The following PDE1C variants were observed in gnomAD, a reference collection of about 807,000 sequenced individuals.
PDE1C encodes the protein dual specificity calcium/calmodulin-dependent 3',5'-cyclic nucleotide phosphodiesterase 1C.
In PDE1C, 62 loss-of-function variants were observed where a neutral mutation model predicts 93.1. The ratio of observed to expected loss-of-function variants is 0.67; its 90% CI spans 0.54 to 0.82. The LOEUF (loss-of-function observed/expected upper bound fraction) is 0.82, where lower values mean the gene tolerates loss of function less well. PDE1C is among the 40% of genes least tolerant of loss of function. PDE1C has a pLI of 0.00. For missense variants in PDE1C, 742 were observed against 884.6 expected, an observed-to-expected ratio of 0.84 and a Z score of 2.04; for synonymous variants, 325 against 310.1, an observed-to-expected ratio of 1.05 and a Z score of -0.50.
At chr7:32,319,997 G>A (rs1433763964) in intron 1 of PDE1C, among the ~76,000 whole-genome samples, 1 of 152,212 alleles carries the variant, frequency 6.6e-6, no homozygotes, top group African/African-American at 2.4e-5. Context: ...CTTAGGGACA[G>A]AGCAAAGCTT....
At chr7:32,006,235 T>C (rs1786233931) in intron 2 of PDE1C, among the ~76,000 whole-genome samples, 1 of 152,216 alleles carries the variant, frequency 6.6e-6, no homozygotes, top group African/African-American at 2.4e-5. Context: ...ACAGCTCTCC[T>C]CTTGTTTTTT....
At chr7:31,973,909 A>G (rs1395738621) in intron 2 of PDE1C, among the ~76,000 whole-genome samples, 2 of 152,236 alleles carry the variant, frequency 1.3e-5, no homozygotes, top group African/African-American at 4.8e-5. Context: ...CTAGATAAAG[A>G]GACAAGGAAT....
intron 1 of PDE1C, among the ~76,000 whole-genome samples, chr7:32,311,462 T>C (rs1310364851): frequency 6.6e-6 from 1 of 152,134 alleles, no homozygotes; most frequent in Non-Finnish European, 1.5e-5. Context: ...AAAAGAGAAT[T>C]TTAGACCAAT....
At chr7:32,129,105 T>C (rs1799772371) in intron 3 of PDE1C, among the ~76,000 whole-genome samples, 1 of 151,168 alleles carries the variant, frequency 6.6e-6, no homozygotes, top group Admixed American at 6.6e-5. Context: ...AGACCCTTTT[T>C]CCTCTTTCTG....
At chr7:32,271,868 C>T (rs1212702747) in intron 1 of PDE1C, among the ~76,000 whole-genome samples, 1 of 152,146 alleles carries the variant, frequency 6.6e-6, no homozygotes, top group Non-Finnish European at 1.5e-5. Context: ...GCTGCAAATA[C>T]AGGAAGATGC....
intron 1 of PDE1C, among the ~76,000 whole-genome samples, chr7:32,336,141 A>T (rs1783619303): frequency 6.6e-6 from 1 of 152,196 alleles, no homozygotes; most frequent in African/African-American, 2.4e-5. Context: ...AAAGAAATGG[A>T]TCTAATAGAG....
At chr7:32,176,718 A>C (rs949486468) in intron 2 of PDE1C, among the ~76,000 whole-genome samples, 20 of 152,142 alleles carry the variant, frequency 1.3e-4, no homozygotes, top group African/African-American at 4.6e-4. Context: ...CACACACAGC[A>C]GAGAAATCTT....
chr7:31,907,877 A>G (rs1300937453), intron 2 of PDE1C, among the ~76,000 whole-genome samples: 1 of 152,144 alleles, frequency 6.6e-6, no homozygotes, highest in Non-Finnish European at 1.5e-5. Flanking sequence ...AAAATTACTC[A>G]TTCAAGTCAA....
chr7:31,943,555 T>C (rs1806141749), intron 2 of PDE1C, among the ~76,000 whole-genome samples: 1 of 152,220 alleles, frequency 6.6e-6, no homozygotes, highest in Non-Finnish European at 1.5e-5. Flanking sequence ...CCTAACATTG[T>C]TACTCAAAGA....
At chr7:32,420,774 T>C (rs1021308330) in intron 1 of PDE1C, among the ~76,000 whole-genome samples, 1 of 152,144 alleles carries the variant, frequency 6.6e-6, no homozygotes, top group Non-Finnish European at 1.5e-5. Flanking sequence ...GTGGAGGTGA[T>C]ATCTGAGAAG....
intron 16 of PDE1C, among the ~76,000 whole-genome samples, chr7:31,802,100 A>G (rs1221285616): frequency 6.6e-6 from 1 of 151,392 alleles, no homozygotes; most frequent in South Asian, 2.1e-4. Flanking sequence ...TAATTCTGTG[A>G]TCTTCCTATT....
intron 3 of PDE1C, among the ~76,000 whole-genome samples, chr7:32,092,664 G>A (rs1231499868): frequency 6.6e-6 from 1 of 152,166 alleles, no homozygotes; most frequent in African/African-American, 2.4e-5. Flanking sequence ...ATTACCAAAG[G>A]TTTTTACAGA....
intron 1 of PDE1C, among the ~76,000 whole-genome samples, chr7:32,421,713 T>C (rs1358459358): frequency 6.6e-6 from 1 of 152,184 alleles, no homozygotes; most frequent in Non-Finnish European, 1.5e-5. Context: ...AAAAAGTTGA[T>C]TTAAATTCCC....
At chr7:31,979,009 A>G (rs1425912835) in intron 2 of PDE1C, among the ~76,000 whole-genome samples, 1 of 152,204 alleles carries the variant, frequency 6.6e-6, no homozygotes, top group Non-Finnish European at 1.5e-5. Flanking sequence ...ACTAGATGAC[A>G]AACACTCAGG....
the PDE1C span, among the ~76,000 whole-genome samples, chr7:31,728,433 A>G: frequency 6.6e-6 from 1 of 152,190 alleles, no homozygotes; most frequent in Non-Finnish European, 1.5e-5. Context: ...CCGGCCAACC[A>G]AATACCCAAA....
chr7:31,680,972 T>A, the PDE1C span, among the ~76,000 whole-genome samples: 1 of 152,178 alleles, frequency 6.6e-6, no homozygotes, highest in Non-Finnish European at 1.5e-5. Context: ...CTCAGAGATA[T>A]TCAGGCCAGC....
chr7:32,323,547 C>G (rs1479750590), intron 1 of PDE1C, among the ~76,000 whole-genome samples: 1 of 152,176 alleles, frequency 6.6e-6, no homozygotes, highest in Admixed American at 6.5e-5. Flanking sequence ...TGTGCTCAAT[C>G]TCCAGAAGGC....
At chr7:31,622,864 G>C in the PDE1C span, among the ~76,000 whole-genome samples, 1 of 152,140 alleles carries the variant, frequency 6.6e-6, no homozygotes, top group South Asian at 2.1e-4. Flanking sequence ...CCGCTAGCAA[G>C]ACTAATAAAG....
intron 1 of PDE1C, among the ~76,000 whole-genome samples, chr7:32,340,364 G>A (rs915203541): frequency 1.3e-5 from 2 of 152,162 alleles, no homozygotes; most frequent in Admixed American, 6.5e-5. Context: ...GTGGAGAAGA[G>A]GGGGAGGATC....
Sources: gnomAD v4.1 joint callset for allele counts (sites outside exome capture counted in the v4.1 genomes callset) on GRCh38, gnomAD v4.1.1 for gene constraint, MANE v1.5 for transcripts, NCBI Gene and HGNC (gene_info 2026-07-23, HGNC 2026-07-21) for gene names.